Variants in DYM observed in about 807,000 individuals in gnomAD.
DYM encodes dymeclin.
Under a neutral mutation model 93.1 loss-of-function variants are expected in DYM, and 78 were observed. The observed-to-expected ratio is 0.84, with a 90% CI of 0.70 to 1.01. The LOEUF is 1.01. Ranked by LOEUF, DYM falls within the 50% of genes least tolerant of loss-of-function variation. The probability of loss-of-function intolerance (pLI) is 0.00; values close to 1 mark genes in which losing one functional copy is unlikely to be tolerated. For synonymous variants in DYM, 321 were observed against 319.7 expected, an observed-to-expected ratio of 1.00 and a Z score of -0.04; for missense variants, 789 against 845.0, an observed-to-expected ratio of 0.93 and a Z score of 0.82.
At chr18:49,218,989 C>G (rs1287194742) in intron 13 of DYM, among the ~76,000 whole-genome samples, 1 of 152,076 alleles carries the variant, frequency 6.6e-6, no homozygotes, top group Non-Finnish European at 1.5e-5. Context: ...AAAGGATCAA[C>G]AAAATTGATA....
chr18:49,063,095 C>T (rs1197893318), intron 17 of DYM, among the ~76,000 whole-genome samples: 2 of 152,156 alleles, frequency 1.3e-5, no homozygotes, highest in East Asian at 3.9e-4. Flanking sequence ...CTAAAGCACA[C>T]CTATTTTTAG....
intron 2 of DYM, among the ~76,000 whole-genome samples, chr18:49,419,373 T>A (rs189544808): frequency 2.0e-3 from 297 of 151,424 alleles, no homozygotes; most frequent in African/African-American, 6.9e-3. Context: ...ATTAAAAAAA[T>A]AAAATAAAAT....
intron 10 of DYM, among the ~76,000 whole-genome samples, chr18:49,280,501 G>A (rs949164600): frequency 3.9e-5 from 6 of 152,152 alleles, no homozygotes; most frequent in Non-Finnish European, 8.8e-5. Context: ...AGATGGCAGC[G>A]ACCGAGATGA....
chr18:49,049,349 G>C (rs1016077179), intron 17 of DYM, among the ~76,000 whole-genome samples: 13 of 152,122 alleles, frequency 8.5e-5, no homozygotes, highest in African/African-American at 3.1e-4. Flanking sequence ...TACTTACTGA[G>C]GGCCTAGTGT....
chr18:49,132,430 A>G (rs1193928977), intron 15 of DYM, among the ~76,000 whole-genome samples: 1 of 152,126 alleles, frequency 6.6e-6, no homozygotes, highest in Non-Finnish European at 1.5e-5. Context: ...AAAAAATGTG[A>G]AGAGAATAAC....
intron 5 of DYM, among the ~76,000 whole-genome samples, chr18:49,376,237 C>A (rs114714307): frequency 1.2e-3 from 189 of 152,302 alleles, no homozygotes; most frequent in African/African-American, 4.4e-3. Flanking sequence ...GATTTCCCTT[C>A]CCTGCAACCA....
At chr18:49,401,994 C>T (rs1169538878) in intron 2 of DYM, among the ~76,000 whole-genome samples, 6 of 151,104 alleles carry the variant, frequency 4.0e-5, no homozygotes, top group Non-Finnish European at 8.8e-5. Flanking sequence ...CCACTGCACT[C>T]CAGCCTGGGC....
At chr18:49,438,456 T>TAGA (rs2081049643) in intron 1 of DYM, among the ~76,000 whole-genome samples, 1 of 151,978 alleles carries the variant, frequency 6.6e-6, no homozygotes, top group Non-Finnish European at 1.5e-5. Context: ...CCCCATAAAG[T>TAGA]AGAAAACAGC....
chr18:49,427,587 T>TAA (rs79850548), intron 2 of DYM, among the ~76,000 whole-genome samples: 2 of 150,878 alleles, frequency 1.3e-5, no homozygotes, highest in East Asian at 3.9e-4. Flanking sequence ...TATGGTTATG[T>TAA]AAAAAAAAAG....
At chr18:49,438,199 C>G (rs1017539697) in intron 1 of DYM, among the ~76,000 whole-genome samples, 1 of 152,124 alleles carries the variant, frequency 6.6e-6, no homozygotes, top group Admixed American at 6.6e-5. Context: ...AATAACTGCT[C>G]AGTCCAAGAA....
intron 13 of DYM, among the ~76,000 whole-genome samples, chr18:49,236,491 TA>T (rs1433377358): frequency 7.1e-6 from 1 of 140,912 alleles, no homozygotes; most frequent in African/African-American, 2.6e-5. Context: ...AAAAAAAAAA[TA>T]AATAAATAAA....
intron 8 of DYM, among the ~76,000 whole-genome samples, chr18:49,330,882 CATA>C (rs2063259220): frequency 6.6e-6 from 1 of 152,166 alleles, no homozygotes; most frequent in Admixed American, 6.5e-5. Flanking sequence ...TGACTCAATT[CATA>C]ATATTAAAAG....
chr18:49,183,004 A>ACGT (rs1319770110), intron 14 of DYM, among the ~76,000 whole-genome samples: 1 of 152,214 alleles, frequency 6.6e-6, no homozygotes, highest in Non-Finnish European at 1.5e-5. Context: ...TAGATATTTT[A>ACGT]CGTAGAAACT....
At chr18:49,153,027 A>G (rs9954573) in intron 15 of DYM, among the ~76,000 whole-genome samples, 149 of 152,258 alleles carry the variant, frequency 9.8e-4, no homozygotes, top group African/African-American at 3.4e-3. Flanking sequence ...AGTTCTGTGG[A>G]CCCAGTGTAT....
At chr18:49,392,578 T>C (rs993688557) in intron 2 of DYM, among the ~76,000 whole-genome samples, 8 of 142,900 alleles carry the variant, frequency 5.6e-5, no homozygotes, top group Non-Finnish European at 9.0e-5. Context: ...GATATAGAAA[T>C]GGCCAATAAG....
At chr18:49,107,076 C>A (rs1181264847) in intron 16 of DYM, among the ~76,000 whole-genome samples, 4 of 152,176 alleles carry the variant, frequency 2.6e-5, no homozygotes, top group Non-Finnish European at 5.9e-5. Context: ...TTCACATAGT[C>A]CCATATTTCT....
At position 49,037,397 on chromosome 18, in the gene DYM, A is replaced by G. The variant is rs761417881; in HGVS notation, c.*6658T>C. Reference sequence around the variant, plus strand: ...TATGTGTGTGTATATATATATATGAACAATAGACACTAGGGACTCCAAAAC... The same window carrying G: ...TATGTGTGTGTATATATATATATGAGCAATAGACACTAGGGACTCCAAAAC... On this transcript the variant is annotated 3_prime_UTR_variant, in exon 18 of 18. Transcript: ENST00000675505. 1.4e-4 allele frequency among the ~76,000 whole-genome samples: 22 copies of G among 152,150 alleles called. No homozygotes were observed. The highest frequency in any genetic ancestry group is 2.1e-4 in the Non-Finnish European group (14 of 68,022).
intron 5 of DYM, chr18:49,375,827 C>G (rs928941264): frequency 3.9e-5 from 6 of 152,160 alleles, no homozygotes; most frequent in African/African-American, 1.4e-4. Flanking sequence ...GCTGCCAGGA[C>G]AAATAGAATA....
intron 6 of DYM, among the ~76,000 whole-genome samples, chr18:49,355,896 C>A (rs536428586): frequency 6.6e-6 from 1 of 151,864 alleles, no homozygotes; most frequent in African/African-American, 2.4e-5. Flanking sequence ...ATATAAACCA[C>A]TAGAACAGGT....
Sources: allele counts gnomAD v4.1 joint callset (sites outside exome capture counted in the v4.1 genomes callset), GRCh38; gene constraint gnomAD v4.1.1; transcripts MANE v1.5; gene names NCBI Gene and HGNC (gene_info 2026-07-23, HGNC 2026-07-21).